USH2A: variants seen among roughly 807,000 people sequenced by gnomAD.
USH2A encodes the protein usherin.
A neutral mutation model predicts 538.9 loss-of-function variants in USH2A; 443 were observed. The observed-to-expected ratio is 0.82, with a 90% CI of 0.76 to 0.89. USH2A has a LOEUF of 0.89. Among genes scored for constraint, USH2A ranks in the 40% least tolerant of loss-of-function variants. USH2A has a pLI of 0.00. For synonymous variants in USH2A, 2,413 were observed against 2,273.5 expected (o/e 1.06, Z -1.75); for missense variants, 6,633 against 6,324.8 (o/e 1.05, Z -1.65).
chr1:216,282,892 A>G (rs528628307), intron 11 of USH2A, among the ~76,000 whole-genome samples: 1 of 152,210 alleles, frequency 6.6e-6, no homozygotes, highest in African/African-American at 2.4e-5. Context: ...TATTTCAGCA[A>G]TGTTTTATGG....
At chr1:216,274,007 T>C (rs1426616412) in intron 11 of USH2A, among the ~76,000 whole-genome samples, 1 of 152,076 alleles carries the variant, frequency 6.6e-6, no homozygotes, top group Non-Finnish European at 1.5e-5. Flanking sequence ...GAATTAAAAG[T>C]CGCTAAAGTT....
At chr1:216,212,639 T>C (rs975845254) in intron 15 of USH2A, among the ~76,000 whole-genome samples, 2 of 151,884 alleles carry the variant, frequency 1.3e-5, no homozygotes, top group African/African-American at 4.8e-5. Flanking sequence ...AGAATGATAA[T>C]GTCTCCCCGT....
chr1:216,026,378 GTTTTGTGCAAA>G (rs1668965456), intron 32 of USH2A, among the ~76,000 whole-genome samples: 1 of 152,032 alleles, frequency 6.6e-6, no homozygotes, highest in African/African-American at 2.4e-5. Flanking sequence ...TCTCTCAGGG[GTTTTGTGCAAA>G]TTTTGTGCTT....
At chr1:216,057,238 A>G (rs1470276666) in intron 30 of USH2A, among the ~76,000 whole-genome samples, 1 of 152,216 alleles carries the variant, frequency 6.6e-6, no homozygotes, top group South Asian at 2.1e-4. Flanking sequence ...TTAACTCATC[A>G]ACACTGCATT....
At chr1:216,024,364 A>G (rs981072405) in intron 32 of USH2A, among the ~76,000 whole-genome samples, 7 of 152,102 alleles carry the variant, frequency 4.6e-5, no homozygotes, top group Non-Finnish European at 8.8e-5. Flanking sequence ...TGTGAGGATA[A>G]CATAAAACAA....
chr1:215,816,840 AGT>A (rs1662869605), intron 48 of USH2A, among the ~76,000 whole-genome samples, 155 bp downstream of exon 48: 1 of 152,100 alleles, frequency 6.6e-6, no homozygotes, highest in Non-Finnish European at 1.5e-5. Flanking sequence ...TGAGGGTGAT[AGT>A]GATTTTTGTA....
In USH2A at chr1:216,086,790, A is replaced by T. The variant is rs1558251728; in HGVS notation, c.4916T>A (p.Val1639Asp). 2.5e-6 allele frequency: 4 copies of T among 1,613,004 alleles called. No individual in the cohort carries two copies. The highest frequency in any genetic ancestry group is 2.5e-6 in the Non-Finnish European group (3 of 1,179,300). ...AAAGACTCCTGTGTTATCTCCAATA[A>T]CAGTACTACCATTCAGGATGGCAGA... ...GSSAILNGST[V>D]IGDNTGVFLG... The change falls in exon 24 of 72, where the codon GTT (valine) becomes GAT (aspartate). Residue 1639 changes from valine to aspartate, a missense_variant. By Grantham distance (152) the Val-to-Asp change is radical. Transcript: ENST00000307340.
chr1:216,072,717 T>C, intron 29 of USH2A, 172 bp downstream of exon 29: 1 of 668,848 alleles, frequency 1.5e-6, no homozygotes, highest in East Asian at 2.7e-5. Context: ...TGAAAAGCAC[T>C]GATCTACTAA....
At chr1:215,752,522 C>T (rs1267991456) in intron 58 of USH2A, among the ~76,000 whole-genome samples, 3 of 152,118 alleles carry the variant, frequency 2.0e-5, no homozygotes, top group Non-Finnish European at 4.4e-5. Context: ...TCCTCCCCTC[C>T]CACCTAACTA....
intron 4 of USH2A, among the ~76,000 whole-genome samples, chr1:216,354,536 G>T (rs1246410190): frequency 6.6e-6 from 1 of 152,142 alleles, no homozygotes; most frequent in Non-Finnish European, 1.5e-5. Flanking sequence ...GCCAATAGAT[G>T]AAGTCTACAA....
chr1:216,343,525 T>TAAAA (rs11370265), intron 4 of USH2A, among the ~76,000 whole-genome samples: 3 of 135,358 alleles, frequency 2.2e-5, no homozygotes, highest in Non-Finnish European at 3.2e-5. Flanking sequence ...TACTACATCT[T>TAAAA]AAAAAAAAAA....
intron 23 of USH2A, chr1:216,087,058 C>T: frequency 2.1e-6 from 1 of 475,884 alleles, no homozygotes; most frequent in Non-Finnish European, 3.9e-6. Context: ...CCATAGGCAC[C>T]CCCTAAGTAC....
intron 21 of USH2A, among the ~76,000 whole-genome samples, chr1:216,119,058 A>C (rs1159448342): frequency 6.6e-6 from 1 of 152,208 alleles, no homozygotes; most frequent in African/African-American, 2.4e-5. Context: ...ACAATACAGA[A>C]ATTAAAAATC....
chr1:215,689,209 CTA>C (rs1658523778), intron 61 of USH2A, among the ~76,000 whole-genome samples: 1 of 152,136 alleles, frequency 6.6e-6, no homozygotes, highest in Admixed American at 6.5e-5. Context: ...ACCAATGAAA[CTA>C]TAGTTTTGGG....
At chr1:215,825,058 G>A (rs79937377) in intron 47 of USH2A, among the ~76,000 whole-genome samples, 5,193 of 152,172 alleles carry the variant, frequency 0.034, 99 homozygotes, top group African/African-American at 0.051. Flanking sequence ...TTTGGAACTG[G>A]AAGTTCTTTA....
chr1:215,800,893 C>A (rs192371656), intron 49 of USH2A, among the ~76,000 whole-genome samples: 3 of 152,182 alleles, frequency 2.0e-5, no homozygotes, highest in Non-Finnish European at 4.4e-5. Flanking sequence ...AAAATACTAG[C>A]AAACTGAATT....
chr1:216,166,423 T>G (rs1572014623), intron 21 of USH2A, among the ~76,000 whole-genome samples: 1 of 152,120 alleles, frequency 6.6e-6, no homozygotes, highest in East Asian at 1.9e-4. Context: ...AAAGGGTTTG[T>G]GAAGGGCATC....
chr1:215,981,117 G>A (rs1189805912), intron 35 of USH2A, among the ~76,000 whole-genome samples: 4 of 152,024 alleles, frequency 2.6e-5, no homozygotes, highest in African/African-American at 4.8e-5. Flanking sequence ...TGAAATTTTT[G>A]CCAGTATTAG....
intron 37 of USH2A, among the ~76,000 whole-genome samples, chr1:215,938,707 C>T (rs1558171618): frequency 6.6e-6 from 1 of 152,126 alleles, no homozygotes; most frequent in South Asian, 2.1e-4. Context: ...CTGCCTGCTT[C>T]GCCCCCACCC....
Sources: allele counts gnomAD v4.1 joint callset (sites outside exome capture counted in the v4.1 genomes callset), GRCh38; gene constraint gnomAD v4.1.1; transcripts MANE v1.5; gene names NCBI Gene and HGNC (gene_info 2026-07-23, HGNC 2026-07-21).